Variants in PRTG observed in about 807,000 individuals in gnomAD.
PRTG encodes the protein protogenin, also known as immunoglobulin superfamily, DCC subclass, member 5.
In PRTG, 67 loss-of-function variants were observed where a neutral mutation model predicts 122.5. The observed-to-expected ratio is 0.55, with a 90% CI of 0.45 to 0.67. The LOEUF (loss-of-function observed/expected upper bound fraction) is 0.67. Among genes scored for constraint, PRTG ranks in the 30% least tolerant of loss-of-function variants. PRTG has a pLI of 0.00. For missense variants in PRTG, 1,435 were observed against 1,415.4 expected (o/e 1.01, Z -0.22); for synonymous variants, 554 against 501.1 (o/e 1.11, Z -1.41).
intron 2 of PRTG, among the ~76,000 whole-genome samples, chr15:55,725,171 GA>G (rs540898175): frequency 6.6e-6 from 1 of 152,186 alleles, no homozygotes; most frequent in African/African-American, 2.4e-5. Flanking sequence ...AAAGGGGGGT[GA>G]AGCTGTATAG....
At chr15:55,726,267 G>GGGCCAGGCT (rs1408929868) in intron 2 of PRTG, among the ~76,000 whole-genome samples, 2 of 152,008 alleles carry the variant, frequency 1.3e-5, no homozygotes, top group Non-Finnish European at 2.9e-5. Context: ...CATAGAGATG[G>GGGCCAGGCT]GGTTTCACCT....
rs201265974 is a variant in PRTG, at chr15:55,672,630, G to C, written c.1856C>G (p.Pro619Arg). The change falls in exon 11 of 20, where the codon CCT becomes CGT. Residue 619 changes from proline (P) to arginine (R), a missense_variant. Transcript: ENST00000389286. ...CTCCAAATGCAACTCTGGAGACTTA[G>C]GGGCTAGCAAAATTCATCAGAAAAT... ...RTPKATSVKAPKSPELHLEPL... is the reference protein window; with the variant it reads ...RTPKATSVKARKSPELHLEPL... The C allele has an allele frequency of 6.2e-7, 1 of 1,610,576 alleles. No homozygotes were observed. Among genetic ancestry groups the C allele is most frequent in the Non-Finnish European group, 8.5e-7 (1 of 1,178,476 alleles).
chr15:55,705,911 G>A (rs982007816), intron 2 of PRTG, among the ~76,000 whole-genome samples: 2 of 141,370 alleles, frequency 1.4e-5, no homozygotes, highest in Non-Finnish European at 3.0e-5. Flanking sequence ...GCAGTGGCAC[G>A]GTCTTGGCTC....
intron 2 of PRTG, among the ~76,000 whole-genome samples, chr15:55,687,882 C>A (rs967281221): frequency 6.6e-6 from 1 of 152,192 alleles, no homozygotes; most frequent in African/African-American, 2.4e-5. Flanking sequence ...AAAGAGGCAA[C>A]CATGAATCAA....
At chr15:55,736,879 A>G (rs2031428668) in intron 2 of PRTG, among the ~76,000 whole-genome samples, 1 of 152,168 alleles carries the variant, frequency 6.6e-6, no homozygotes, top group African/African-American at 2.4e-5. Flanking sequence ...CTGTTCAATC[A>G]CTAGCTTACA....
At chr15:55,692,837 T>C (rs1367296469) in intron 2 of PRTG, among the ~76,000 whole-genome samples, 1 of 111,174 alleles carries the variant, frequency 9.0e-6, no homozygotes, top group Non-Finnish European at 2.1e-5. Context: ...TGCAATCTCT[T>C]TTTTTTTTTT....
intron 11 of PRTG, among the ~76,000 whole-genome samples, chr15:55,662,599 T>C (rs1231068463): frequency 3.3e-5 from 5 of 152,198 alleles, no homozygotes; most frequent in Non-Finnish European, 7.3e-5. Context: ...TAAGATCACA[T>C]ATAAATATGA....
At position 55,616,891 on chromosome 15, in the gene PRTG, C is replaced by T. The variant is rs898594039; in HGVS notation, c.*3121G>A. On this transcript the variant is annotated 3_prime_UTR_variant, in exon 20 of 20. Transcript: ENST00000389286. ...TTTCAAATCTGCTCATCTTTACTTA[C>T]TTACAGGCTAACCTATACATCTTAA... The T allele has an allele frequency of 5.9e-5, 9 of 152,080 alleles. No homozygotes were observed. The highest frequency in any genetic ancestry group is 2.2e-4 in the African/African-American group (9 of 41,428). The allele number at this position is 152,080 out of a possible 1,614,324, so 9.4% of individuals were successfully genotyped here.
intron 11 of PRTG, among the ~76,000 whole-genome samples, chr15:55,671,250 G>A (rs1014632963): frequency 1.3e-5 from 2 of 152,270 alleles, no homozygotes; most frequent in African/African-American, 2.4e-5. Context: ...GTACAGCTGA[G>A]CCTTTTACCT....
intron 2 of PRTG, 120 bp from the exon 3 acceptor site, chr15:55,684,051 C>G (rs1455489688): frequency 1.5e-6 from 1 of 685,014 alleles, no homozygotes; most frequent in African/African-American, 1.8e-5. Flanking sequence ...ACCAACCTAA[C>G]TTAACCAGCA....
At chr15:55,739,999 A>T (rs765911567) in intron 2 of PRTG, among the ~76,000 whole-genome samples, 27 of 152,374 alleles carry the variant, frequency 1.8e-4, no homozygotes, top group Non-Finnish European at 3.5e-4. Flanking sequence ...TCTGCAAAGC[A>T]GAACAATTTG....
intron 4 of PRTG, among the ~76,000 whole-genome samples, chr15:55,682,061 TAAC>T (rs1388395794): frequency 6.6e-6 from 1 of 152,170 alleles, no homozygotes; most frequent in Non-Finnish European, 1.5e-5. Context: ...TGAATGAAAA[TAAC>T]ATGCCATTTT....
At chr15:55,701,268 G>A (rs2059661854) in intron 2 of PRTG, among the ~76,000 whole-genome samples, 1 of 152,172 alleles carries the variant, frequency 6.6e-6, no homozygotes, top group South Asian at 2.1e-4. Context: ...CGGGCGCGGT[G>A]GCTCACGCCT....
At chr15:55,679,930 T>C (rs759469805) in intron 6 of PRTG, 124 bp downstream of exon 6, 23 of 730,080 alleles carry the variant, frequency 3.2e-5, no homozygotes, top group Non-Finnish European at 4.7e-5. Context: ...CTGAAATTCA[T>C]CATTTGATTA....
chr15:55,637,872 C>T (rs1004594291), intron 14 of PRTG, among the ~76,000 whole-genome samples: 3 of 152,068 alleles, frequency 2.0e-5, no homozygotes, highest in African/African-American at 7.2e-5. Context: ...TAAGTTGACT[C>T]CATGTTTAAT....
intron 9 of PRTG, among the ~76,000 whole-genome samples, chr15:55,675,029 GAA>G (rs1031053480): frequency 6.6e-6 from 1 of 152,028 alleles, no homozygotes; most frequent in African/African-American, 2.4e-5. Context: ...CCATGGTTAG[GAA>G]ACAAACTGAA....
At chr15:55,626,651 G>A (rs933031900) in intron 17 of PRTG, among the ~76,000 whole-genome samples, 3 of 150,998 alleles carry the variant, frequency 2.0e-5, no homozygotes, top group African/African-American at 7.3e-5. Flanking sequence ...CCAGCTACTC[G>A]AGAGACTGAG....
At chr15:55,654,724 CT>C (rs1163672582) in intron 11 of PRTG, among the ~76,000 whole-genome samples, 2 of 152,172 alleles carry the variant, frequency 1.3e-5, no homozygotes, top group Admixed American at 1.3e-4. Context: ...TTTTTATAGA[CT>C]GACAGAGAGA....
At chr15:55,716,482 A>G (rs1347843677) in intron 2 of PRTG, among the ~76,000 whole-genome samples, 1 of 152,218 alleles carries the variant, frequency 6.6e-6, no homozygotes, top group Non-Finnish European at 1.5e-5. Flanking sequence ...GGAAGAAGTC[A>G]TCGGAAAGGT....
Sources: gnomAD v4.1 joint callset for allele counts (sites outside exome capture counted in the v4.1 genomes callset) on GRCh38, gnomAD v4.1.1 for gene constraint, MANE v1.5 for transcripts, NCBI Gene and HGNC (gene_info 2026-07-23, HGNC 2026-07-21) for gene names.